Variants in VSTM2L observed in about 807,000 individuals in gnomAD.
VSTM2L encodes V-set and transmembrane domain-containing protein 2-like protein.
Under a neutral mutation model 19.9 loss-of-function variants are expected in VSTM2L, and 9 were observed. The ratio of observed to expected loss-of-function variants is 0.45; its 90% CI spans 0.27 to 0.79. The LOEUF is 0.79. Ranked by LOEUF, VSTM2L falls within the 30% of genes least tolerant of loss-of-function variation. The pLI is 0.15. For synonymous variants in VSTM2L, 127 were observed against 133.8 expected (o/e 0.95, Z 0.35); for missense variants, 286 against 295.5 (o/e 0.97, Z 0.24).
intron 1 of VSTM2L, among the ~76,000 whole-genome samples, chr20:37,917,280 A>T (rs2122949712): frequency 6.6e-6 from 1 of 152,124 alleles, no homozygotes; most frequent in Non-Finnish European, 1.5e-5. Flanking sequence ...ATGCCACTGC[A>T]CTCCAACCTG....
At chr20:37,931,946 C>A in intron 2 of VSTM2L, 142 bp downstream of exon 2, 1 of 1,047,242 alleles carries the variant, frequency 9.5e-7, no homozygotes, top group Non-Finnish European at 1.3e-6. Context: ...TCCCTCCCTT[C>A]TTCCTCCTGG....
intron 1 of VSTM2L, among the ~76,000 whole-genome samples, chr20:37,914,139 G>A (rs2072796692): frequency 6.6e-6 from 1 of 151,714 alleles, no homozygotes; most frequent in South Asian, 2.1e-4. Flanking sequence ...GCGCACGAAT[G>A]TGTGTGTGCG....
rs772534305 is a variant in VSTM2L at position 37,944,182 on chromosome 20, G to A, written c.544G>A (p.Ala182Thr). ...GCCCGAAGCCCCTCCCGCCGCGCCC[G>A]CCCCGCCGCCCCCCAAGCCAGGCAA... ...HLPEAPPAAP[A>T]PPPPKPGKEL... Residue 182 changes from alanine (A) to threonine (T), a missense_variant, in exon 4 of 4, where the codon GCC becomes ACC. Ala to Thr is a moderately conservative substitution (Grantham distance 58). Transcript: ENST00000373461. The A allele has an allele frequency of 5.6e-5, 49 of 873,814 alleles. No homozygotes were observed. The highest frequency in any genetic ancestry group is 4.9e-4 in the South Asian group (31 of 63,434). 54.1% of individuals were successfully genotyped at this position (873,814 alleles called of 1,614,324 possible). A position where few individuals can be genotyped will look rare whatever the true frequency, so the allele number is the denominator to read the frequency against.
At chr20:37,925,841 C>T (rs1051059464) in intron 1 of VSTM2L, among the ~76,000 whole-genome samples, 3 of 152,146 alleles carry the variant, frequency 2.0e-5, no homozygotes, top group Non-Finnish European at 4.4e-5. Flanking sequence ...GCTTCTCTCC[C>T]TGTCCTCCTA....
At chr20:37,922,198 C>G (rs2072855800) in intron 1 of VSTM2L, among the ~76,000 whole-genome samples, 2 of 152,130 alleles carry the variant, frequency 1.3e-5, no homozygotes, top group Non-Finnish European at 2.9e-5. Context: ...ACTCCCTTCC[C>G]CTGCCCCCAG....
At chr20:37,909,354 G>A (rs1455139387) in intron 1 of VSTM2L, among the ~76,000 whole-genome samples, 1 of 152,178 alleles carries the variant, frequency 6.6e-6, no homozygotes, top group Non-Finnish European at 1.5e-5. Context: ...GGTGTTGTGG[G>A]AAGACTCTCT....
intron 1 of VSTM2L, among the ~76,000 whole-genome samples, chr20:37,930,629 A>C (rs535678970): frequency 6.6e-6 from 1 of 152,070 alleles, no homozygotes; most frequent in African/African-American, 2.4e-5. Context: ...GCTGGGCCAC[A>C]TGAAGTGGGG....
At chr20:37,919,805 G>T (rs143204888) in intron 1 of VSTM2L, among the ~76,000 whole-genome samples, 1 of 152,040 alleles carries the variant, frequency 6.6e-6, no homozygotes, top group African/African-American at 2.4e-5. Context: ...CAGCCAGCTT[G>T]AAGTCAGGCT....
At chr20:37,918,297 T>C (rs1205273505) in intron 1 of VSTM2L, among the ~76,000 whole-genome samples, 1 of 152,184 alleles carries the variant, frequency 6.6e-6, no homozygotes, top group Admixed American at 6.5e-5. Context: ...CCAGGGCTGG[T>C]GCTGGGTGCC....
intron 1 of VSTM2L, among the ~76,000 whole-genome samples, chr20:37,906,096 T>C (rs1305655277): frequency 6.6e-6 from 1 of 151,802 alleles, no homozygotes; most frequent in Non-Finnish European, 1.5e-5. Context: ...GAGGGGCACA[T>C]TGACCCCAAG....
chr20:37,928,905 T>TTA (rs1371674858), intron 1 of VSTM2L, among the ~76,000 whole-genome samples: 5 of 152,160 alleles, frequency 3.3e-5, no homozygotes, highest in Non-Finnish European at 4.4e-5. Flanking sequence ...CTATTAACAT[T>TTA]TATGTTTACA....
chr20:37,934,277 A>T (rs79363473), intron 3 of VSTM2L, among the ~76,000 whole-genome samples: 1 of 152,014 alleles, frequency 6.6e-6, no homozygotes, highest in African/African-American at 2.4e-5. Context: ...TTTGTGAAGG[A>T]GGGGGCACCC....
chr20:37,928,396 C>T (rs985944326), intron 1 of VSTM2L, among the ~76,000 whole-genome samples: 6 of 152,160 alleles, frequency 3.9e-5, no homozygotes, highest in South Asian at 2.1e-4. Context: ...CAGGCAGGGT[C>T]CCCCTAGCTC....
chr20:37,903,368 C>A lies in VSTM2L; in HGVS notation c.18C>A (p.Ala6=), dbSNP rs992766684. The part of the protein sequence containing the change: MGAPL[A]VALGALHYLA... ...AGCGCACGATGGGGGCCCCGCTCGC[C>A]GTAGCGCTGGGCGCCCTCCACTACC... The change falls in exon 1 of 4, where the codon GCC becomes GCA. Residue 6 remains alanine, a synonymous_variant. Coordinates refer to ENST00000373461, the MANE Select transcript of VSTM2L (RefSeq NM_080607.3). The A allele has an allele frequency of 3.4e-6, 5 of 1,478,180 alleles. No homozygotes were observed. The highest frequency in any genetic ancestry group is 2.4e-5 in the Admixed American group (1 of 42,506). The allele number at this position is 1,478,180 out of a possible 1,614,324, so 91.6% of individuals were successfully genotyped here.
chr20:37,923,112 T>C (rs2072861468), intron 1 of VSTM2L, among the ~76,000 whole-genome samples: 2 of 152,182 alleles, frequency 1.3e-5, no homozygotes, highest in South Asian at 4.1e-4. Flanking sequence ...TTCTCCCCTT[T>C]TTCCAGATAA....
At chr20:37,921,756 G>C (rs148586714) in intron 1 of VSTM2L, among the ~76,000 whole-genome samples, 27 of 152,084 alleles carry the variant, frequency 1.8e-4, no homozygotes, top group African/African-American at 6.0e-4. Flanking sequence ...AGGTTTGAAG[G>C]AGTTGAAGAT....
rs2072995101 is a variant in VSTM2L, at chr20:37,944,341, T to C, written c.*88T>C. The C allele has an allele frequency of 7.5e-7, 1 of 1,324,822 alleles. No individual in the cohort carries two copies. The highest frequency in any genetic ancestry group is 2.8e-5 in the East Asian group (1 of 36,192). The allele number at this position is 1,324,822 out of a possible 1,614,324, so 82.1% of individuals were successfully genotyped here. ...GACCACCGGGGACCGACTGCCTGCG[T>C]CCAGCCGCGCCCCATCCCCGAGGCC... On this transcript the variant is annotated 3_prime_UTR_variant, in exon 4 of 4. Coordinates refer to ENST00000373461, the MANE Select transcript of VSTM2L (RefSeq NM_080607.3).
intron 1 of VSTM2L, among the ~76,000 whole-genome samples, chr20:37,920,597 T>C (rs1486560149): frequency 6.6e-6 from 1 of 152,174 alleles, no homozygotes; most frequent in Non-Finnish European, 1.5e-5. Context: ...AGGCTGGCCT[T>C]GGGCAGCCAG....
intron 1 of VSTM2L, among the ~76,000 whole-genome samples, chr20:37,916,726 TAAAG>T (rs1367431118): frequency 2.0e-5 from 3 of 152,208 alleles, no homozygotes; most frequent in Admixed American, 6.5e-5. Flanking sequence ...TTTATTGTAT[TAAAG>T]AAACACCTCT....
Sources: allele counts gnomAD v4.1 joint callset (sites outside exome capture counted in the v4.1 genomes callset), GRCh38; gene constraint gnomAD v4.1.1; transcripts MANE v1.5; gene names NCBI Gene and HGNC (gene_info 2026-07-23, HGNC 2026-07-21).